Variants in PCDH11X observed in about 807,000 individuals in gnomAD.
The protein encoded by PCDH11X is protocadherin-11 X-linked.
Under a neutral mutation model 53.3 loss-of-function variants are expected in PCDH11X, and 18 were observed. That is an observed-to-expected ratio of 0.34 (90% CI 0.23 to 0.50). The LOEUF is 0.50. Among genes scored for constraint, PCDH11X ranks in the 20% least tolerant of loss-of-function variants. PCDH11X has a pLI of 0.98. For synonymous variants in PCDH11X, 279 were observed against 393.3 expected (o/e 0.71, Z 3.44); for missense variants, 570 against 1,032.4 (o/e 0.55, Z 6.14).
chrX:91,908,466 A>T (rs1010566969), intron 6 of PCDH11X, among the ~76,000 whole-genome samples: 2 of 111,842 alleles, frequency 1.8e-5, no homozygotes, highest in African/African-American at 6.5e-5. Context: ...TGCAAATCAA[A>T]ACCACAATGA....
At chrX:91,997,844 G>C (rs939548179) in intron 6 of PCDH11X, among the ~76,000 whole-genome samples, 3 of 110,405 alleles carry the variant, frequency 2.7e-5, no homozygotes, top group Non-Finnish European at 3.8e-5. Context: ...AAAGCCATCT[G>C]TTCCTGGTGT....
chrX:92,020,374 T>C (rs1333697950), intron 6 of PCDH11X, among the ~76,000 whole-genome samples: 1 of 112,085 alleles, frequency 8.9e-6, no homozygotes, highest in Non-Finnish European at 1.9e-5. Flanking sequence ...GGAGGCTGGA[T>C]GGCTTGGTCC....
At chrX:92,030,921 A>G (rs1218139576) in intron 6 of PCDH11X, among the ~76,000 whole-genome samples, 2 of 105,487 alleles carry the variant, frequency 1.9e-5, no homozygotes, top group African/African-American at 7.2e-5. Context: ...AGTCTTGGCT[A>G]TGGTGAACAG....
chrX:92,437,613 C>T (rs1449320213), intron 9 of PCDH11X, among the ~76,000 whole-genome samples: 1 of 108,587 alleles, frequency 9.2e-6, no homozygotes, highest in East Asian at 2.9e-4. Context: ...TGGCACTGTA[C>T]TATTATTGCT....
intron 6 of PCDH11X, among the ~76,000 whole-genome samples, chrX:92,155,617 C>CTTTTTTTT: frequency 1.3e-5 from 1 of 79,783 alleles, no homozygotes; most frequent in African/African-American, 5.6e-5. Context: ...ACTTCAATAG[C>CTTTTTTTT]TTTTTTTTTT....
At chrX:92,429,578 T>A (rs1428946940) in intron 9 of PCDH11X, among the ~76,000 whole-genome samples, 3 of 105,272 alleles carry the variant, frequency 2.8e-5, no homozygotes, top group Non-Finnish European at 5.9e-5. Flanking sequence ...TCTCGTAGTA[T>A]GCTGTGCCTT....
intron 1 of PCDH11X, among the ~76,000 whole-genome samples, chrX:91,799,582 CTT>C (rs1222337351): frequency 8.9e-6 from 1 of 112,074 alleles, no homozygotes; most frequent in African/African-American, 3.2e-5. Flanking sequence ...AATAATGACT[CTT>C]TAACAACTTG....
intron 10 of PCDH11X, among the ~76,000 whole-genome samples, chrX:92,531,682 C>T (rs2074558037): frequency 9.2e-6 from 1 of 108,617 alleles, no homozygotes; most frequent in African/African-American, 3.3e-5. Context: ...AAGTGACTGA[C>T]CCATTTATAT....
chrX:92,554,385 A>AT lies in PCDH11X; in HGVS notation c.3368-63873dup, dbSNP rs781650445. 5.8e-3 allele frequency among the ~76,000 whole-genome samples: 615 copies of AT among 105,722 alleles called. 4 individuals are homozygous for AT. The highest frequency in any genetic ancestry group is 0.02 in the African/African-American group (588 of 29,163). 91.8% of individuals were successfully genotyped at this position (105,722 alleles called of 115,157 possible). On this transcript the variant is annotated intron_variant, in intron 10 of 10. Transcript: ENST00000682573. ...AGCCTGATATTCCAGGCCCTAAAGA[A>AT]TTTTTTAAAAATTACTATTATTATT...
intron 8 of PCDH11X, among the ~76,000 whole-genome samples, chrX:92,278,735 G>T (rs1386924920): frequency 9.1e-6 from 1 of 110,140 alleles, no homozygotes; most frequent in Non-Finnish European, 1.9e-5. Context: ...AGGCCATCTG[G>T]TCATATCCGT....
intron 5 of PCDH11X, among the ~76,000 whole-genome samples, chrX:91,855,255 G>A (rs890522381): frequency 1.8e-5 from 2 of 111,526 alleles, no homozygotes; most frequent in Non-Finnish European, 3.8e-5. Flanking sequence ...TGAAGAGATT[G>A]TATTTTCCCC....
intron 8 of PCDH11X, among the ~76,000 whole-genome samples, chrX:92,337,610 A>G (rs1396370790): frequency 1.8e-5 from 2 of 110,177 alleles, no homozygotes; most frequent in East Asian, 5.7e-4. Flanking sequence ...GTAATGCAAC[A>G]TGAACAAACT....
chrX:91,877,016 C>A lies in PCDH11X; in HGVS notation c.776C>A (p.Pro259Gln), dbSNP rs946173895. 1 of 1,201,991 alleles carries A rather than the reference C, an allele frequency of 8.3e-7. No homozygotes were observed. Among genetic ancestry groups the A allele is most frequent in the Non-Finnish European group, 1.1e-6 (1 of 892,380 alleles). ...FKETEIEVSIPENAPVGTSVT... is the reference protein window; with the variant it reads ...FKETEIEVSIQENAPVGTSVT... Reference sequence around the variant, plus strand: ...GAGACAGAGATTGAAGTCAGTATACCAGAAAATGCTCCTGTAGGCACTTCA... The same window carrying A: ...GAGACAGAGATTGAAGTCAGTATACAAGAAAATGCTCCTGTAGGCACTTCA... Residue 259 changes from proline to glutamine, a missense_variant, in exon 6 of 11, where the codon CCA becomes CAA. Physicochemically the swap from Pro to Gln is moderately conservative, Grantham distance 76 (BLOSUM62 -1). Transcript: ENST00000682573.
chrX:92,224,379 C>A (rs988737209), intron 7 of PCDH11X, among the ~76,000 whole-genome samples: 2 of 111,482 alleles, frequency 1.8e-5, no homozygotes, highest in Admixed American at 9.6e-5. Flanking sequence ...TTTTTTGATC[C>A]TTGAAGGTGT....
At chrX:92,144,389 G>A (rs1174048811) in intron 6 of PCDH11X, among the ~76,000 whole-genome samples, 4 of 110,398 alleles carry the variant, frequency 3.6e-5, no homozygotes, top group Admixed American at 1.9e-4. Flanking sequence ...AGGACCCAGG[G>A]GGAGATCATT....
chrX:92,016,929 T>C (rs1316637416), intron 6 of PCDH11X, among the ~76,000 whole-genome samples: 1 of 104,440 alleles, frequency 9.6e-6, no homozygotes, highest in Non-Finnish European at 2.0e-5. Flanking sequence ...CTAATTTAAA[T>C]GAGAGACATG....
intron 8 of PCDH11X, among the ~76,000 whole-genome samples, chrX:92,378,115 C>A: frequency 1.0e-5 from 1 of 99,423 alleles, no homozygotes; most frequent in South Asian, 4.3e-4. Context: ...GAAATGTTGC[C>A]CATAATGATT....
chrX:92,105,658 C>T (rs2064367211), intron 6 of PCDH11X, among the ~76,000 whole-genome samples: 1 of 94,661 alleles, frequency 1.1e-5, no homozygotes, highest in African/African-American at 4.0e-5. Context: ...GCTCAGTGGG[C>T]AGGAGTGGGG....
intron 6 of PCDH11X, among the ~76,000 whole-genome samples, chrX:92,147,838 T>TCTTTCTTTCTTTC (rs2065305520): frequency 1.1e-5 from 1 of 91,509 alleles, no homozygotes; most frequent in Non-Finnish European, 2.0e-5. Context: ...TTTCTTTCTT[T>TCTTTCTTTCTTTC]CTTTCTTTCT....
Sources: allele counts gnomAD v4.1 joint callset (sites outside exome capture counted in the v4.1 genomes callset), GRCh38; gene constraint gnomAD v4.1.1; transcripts MANE v1.5; gene names NCBI Gene and HGNC (gene_info 2026-07-23, HGNC 2026-07-21).